SLC25A20: variants seen among roughly 807,000 people sequenced by gnomAD.
SLC25A20 encodes mitochondrial carnitine/acylcarnitine carrier protein.
SLC25A20 carries 29 observed loss-of-function variants against 39.7 expected under a neutral mutation model. The ratio of observed to expected loss-of-function variants is 0.73; its 90% CI spans 0.54 to 1.00. SLC25A20 has a LOEUF of 1.00. Among genes scored for constraint, SLC25A20 ranks in the 50% least tolerant of loss-of-function variants. The pLI, the probability that SLC25A20 is intolerant of heterozygous loss-of-function variation, is 0.00. For missense variants in SLC25A20, 333 were observed against 379.9 expected (o/e 0.88, Z 1.03); for synonymous variants, 103 against 142.2 (o/e 0.72, Z 1.96).
intron 1 of SLC25A20, among the ~76,000 whole-genome samples, chr3:48,897,466 G>A (rs1030636392): frequency 1.0e-4 from 15 of 148,986 alleles, no homozygotes; most frequent in Admixed American, 4.1e-4. Context: ...CCAGACAATC[G>A]TCCCTCAGTA....
chr3:48,879,035 T>C (rs2083781446), intron 4 of SLC25A20, among the ~76,000 whole-genome samples: 1 of 151,980 alleles, frequency 6.6e-6, no homozygotes, highest in South Asian at 2.1e-4. Flanking sequence ...TATACCTGGC[T>C]AATTTTTGTA....
intron 2 of SLC25A20, among the ~76,000 whole-genome samples, chr3:48,890,766 T>C (rs535046132): frequency 7.1e-4 from 107 of 150,368 alleles, no homozygotes; most frequent in Non-Finnish European, 1.3e-3. Context: ...ACCATTCTCC[T>C]GCCTCAGCCT....
intron 3 of SLC25A20, among the ~76,000 whole-genome samples, chr3:48,880,045 T>C (rs940144591): frequency 6.6e-6 from 1 of 152,140 alleles, no homozygotes; most frequent in African/African-American, 2.4e-5. Context: ...TGCAACGTGC[T>C]GTAAGACGCT....
intron 8 of SLC25A20, 98 bp from the exon 9 acceptor site, chr3:48,857,870 C>T: frequency 1.0e-6 from 1 of 998,616 alleles, no homozygotes; most frequent in South Asian, 1.4e-5. Flanking sequence ...GGACCAGAGC[C>T]CCTCCCTAAC....
At chr3:48,880,420 G>T (rs1472089995) in intron 3 of SLC25A20, among the ~76,000 whole-genome samples, 2 of 151,370 alleles carry the variant, frequency 1.3e-5, no homozygotes, top group Non-Finnish European at 1.5e-5. Context: ...GGGATTACAG[G>T]AACCTGCCAC....
At chr3:48,877,457 A>G (rs184783060) in intron 4 of SLC25A20, among the ~76,000 whole-genome samples, 1 of 151,982 alleles carries the variant, frequency 6.6e-6, no homozygotes, top group African/African-American at 2.4e-5. Flanking sequence ...AGGGTTGGGC[A>G]CGGTGGCTCA....
chr3:48,873,913 G>T (rs1380635890), intron 4 of SLC25A20, among the ~76,000 whole-genome samples: 2 of 142,916 alleles, frequency 1.4e-5, no homozygotes, highest in Admixed American at 7.3e-5. Flanking sequence ...AGCTTGCAGC[G>T]AGCTGAGATT....
At chr3:48,864,801 T>C (rs1375341201) in intron 4 of SLC25A20, among the ~76,000 whole-genome samples, 1 of 152,114 alleles carries the variant, frequency 6.6e-6, no homozygotes, top group Non-Finnish European at 1.5e-5. Flanking sequence ...AGGACAGCGA[T>C]GAAGGTGGCC....
chr3:48,868,092 A>C (rs567251516), intron 4 of SLC25A20, among the ~76,000 whole-genome samples: 1 of 151,382 alleles, frequency 6.6e-6, no homozygotes, highest in Non-Finnish European at 1.5e-5. Context: ...AGAAACAAGC[A>C]GGGCGGCAGC....
intron 4 of SLC25A20, among the ~76,000 whole-genome samples, chr3:48,873,886 G>A (rs1405423109): frequency 2.1e-5 from 3 of 145,460 alleles, no homozygotes; most frequent in African/African-American, 5.1e-5. Context: ...GGAGAATGGC[G>A]TGAACCCGGG....
chr3:48,868,202 G>A (rs1351627251), intron 4 of SLC25A20, among the ~76,000 whole-genome samples: 1 of 151,958 alleles, frequency 6.6e-6, no homozygotes, highest in Non-Finnish European at 1.5e-5. Flanking sequence ...CCACTGAGAA[G>A]GTGGGGGGTT....
At chr3:48,880,291 G>GTGTT (rs972766864) in intron 3 of SLC25A20, among the ~76,000 whole-genome samples, 1 of 151,690 alleles carries the variant, frequency 6.6e-6, no homozygotes, top group African/African-American at 2.4e-5. Flanking sequence ...TTGTTTGTTT[G>GTGTT]TGTTTGTTTT....
chr3:48,868,350 G>C (rs1230399287), intron 4 of SLC25A20, among the ~76,000 whole-genome samples: 2 of 152,104 alleles, frequency 1.3e-5, no homozygotes, highest in Non-Finnish European at 2.9e-5. Context: ...TAAGGGAAAA[G>C]AGCGATGGAC....
chr3:48,897,458 A>G (rs1345498184), intron 1 of SLC25A20, among the ~76,000 whole-genome samples: 3 of 150,924 alleles, frequency 2.0e-5, no homozygotes, highest in Non-Finnish European at 4.4e-5. Flanking sequence ...AAGAAAGGCC[A>G]GACAATCGTC....
intron 2 of SLC25A20, among the ~76,000 whole-genome samples, chr3:48,888,291 G>A (rs1006130258): frequency 2.7e-5 from 4 of 150,894 alleles, no homozygotes; most frequent in Non-Finnish European, 5.9e-5. Flanking sequence ...ATCTTCCTAA[G>A]CCAGATGCAG....
intron 2 of SLC25A20, among the ~76,000 whole-genome samples, chr3:48,889,733 AAATAG>A (rs1340093930): frequency 6.6e-6 from 1 of 152,234 alleles, no homozygotes; most frequent in Non-Finnish European, 1.5e-5. Flanking sequence ...ATAATAAAGA[AAATAG>A]AATAGTTATA....
At chr3:48,867,106 A>G (rs2083676476) in intron 4 of SLC25A20, among the ~76,000 whole-genome samples, 1 of 149,306 alleles carries the variant, frequency 6.7e-6, no homozygotes, top group African/African-American at 2.5e-5. Context: ...ATGAATGGCT[A>G]ATTTTTGTAT....
In SLC25A20 at chr3:48,858,618, T is replaced by C; in HGVS notation, c.732A>G (p.Lys244=). The change falls in exon 8 of 9, where the codon AAA becomes AAG. Residue 244 remains lysine, a synonymous_variant. Coordinates refer to ENST00000319017, the MANE Select transcript of SLC25A20 (RefSeq NM_000387.6). Reference sequence around the variant, plus strand: ...GCACATCTCTGAAACCATTAGGATATTTCCCAGGAGGTGCTGTGGGGCAGA... The same window carrying C: ...GCACATCTCTGAAACCATTAGGATACTTCCCAGGAGGTGCTGTGGGGCAGA... ...KSRFQTAPPG[K]YPNGFRDVLR... is the part of the protein sequence containing the mutation. 1 of 1,614,188 alleles carries C rather than the reference T, an allele frequency of 6.2e-7. No individual in the cohort carries two copies. The highest frequency in any genetic ancestry group is 8.5e-7 in the Non-Finnish European group (1 of 1,180,030).
intron 1 of SLC25A20, among the ~76,000 whole-genome samples, chr3:48,893,032 CT>C (rs1218511992): frequency 4.3e-4 from 63 of 146,208 alleles, no homozygotes; most frequent in Non-Finnish European, 4.7e-4. Context: ...TATATATATA[CT>C]TTTTTTTTTT....
Sources: allele counts gnomAD v4.1 joint callset (sites outside exome capture counted in the v4.1 genomes callset), GRCh38; gene constraint gnomAD v4.1.1; transcripts MANE v1.5; gene names NCBI Gene and HGNC (gene_info 2026-07-23, HGNC 2026-07-21).